ZC3H14: variants seen among roughly 807,000 people sequenced by gnomAD.
ZC3H14 encodes the protein zinc finger CCCH domain-containing protein 14.
A neutral mutation model predicts 92.4 loss-of-function variants in ZC3H14; 31 were observed. The ratio of observed to expected loss-of-function variants is 0.34; its 90% CI spans 0.25 to 0.45. The LOEUF is 0.45. ZC3H14 is among the 20% of genes least tolerant of loss of function. The pLI is 1.00. For missense variants in ZC3H14, 781 were observed against 897.3 expected (o/e 0.87, Z 1.66); for synonymous variants, 321 against 300.9 (o/e 1.07, Z -0.69).
chr14:88,572,470 G>A, intron 5 of ZC3H14, 108 bp from the exon 6 acceptor site: 1 of 1,374,718 alleles, frequency 7.3e-7, no homozygotes, highest in Non-Finnish European at 1.0e-6. Flanking sequence ...TATGTAAAGG[G>A]AGTATCCTCA....
At chr14:88,603,656 TC>T (rs2084937664) in intron 12 of ZC3H14, among the ~76,000 whole-genome samples, 1 of 152,204 alleles carries the variant, frequency 6.6e-6, no homozygotes, top group Non-Finnish European at 1.5e-5. Flanking sequence ...ACGCCACTGA[TC>T]ATTTCCATTC....
chr14:88,621,641 A>C lies in ZC3H14; in HGVS notation c.*9890A>C. 3.2e-6 allele frequency: 1 copy of C among 315,388 alleles called. No homozygotes were observed. Among genetic ancestry groups the C allele is most frequent in the Non-Finnish European group, 6.1e-6 (1 of 164,734 alleles). 19.5% of individuals were successfully genotyped at this position (315,388 alleles called of 1,614,324 possible). On this transcript the variant is annotated 3_prime_UTR_variant, in exon 17 of 17. Coordinates refer to ENST00000251038, the MANE Select transcript of ZC3H14 (RefSeq NM_024824.5). ...AGTGGGATATAGGAAAAAATAATAG[A>C]ATTTATTTTTTAGTTAAAAAGTAAA...
Position 88,615,932 on chromosome 14 carries a change from G to A in ZC3H14, c.*4181G>A, listed in dbSNP as rs2087539931. ...TAACAGTTTAATATTTTTCAGTTGT[G>A]CTTTCAGGTTACATGTGTAATATTT... On this transcript the variant is annotated 3_prime_UTR_variant, in exon 17 of 17. Coordinates refer to ENST00000251038, the MANE Select transcript of ZC3H14 (RefSeq NM_024824.5). 1.3e-6 allele frequency: 2 copies of A among 1,495,676 alleles called. No individual in the cohort carries two copies. The highest frequency in any genetic ancestry group is 4.7e-5 in the East Asian group (2 of 42,488). 92.7% of individuals were successfully genotyped at this position (1,495,676 alleles called of 1,614,324 possible).
Position 88,566,788 on chromosome 14 carries a change from C to A in ZC3H14, c.80-1251C>A, listed in dbSNP as rs201216634. Among the ~76,000 whole-genome samples, 73 of 152,046 alleles carry A rather than the reference C, an allele frequency of 4.8e-4. 2 individuals carry two copies. In the South Asian group the frequency reaches 5.0e-3, roughly 10 times the overall value. On this transcript the variant is annotated intron_variant, in intron 2 of 16. Coordinates refer to ENST00000251038, the MANE Select transcript of ZC3H14 (RefSeq NM_024824.5). ...TACAAACATTAGCTGGGTGTGGTGG[C>A]AGGTGCCTGTAATCCCAGCTACTCG...
In ZC3H14 at chr14:88,619,027, C is replaced by G; in HGVS notation, c.*7276C>G. The G allele has an allele frequency of 2.5e-6, 1 of 394,028 alleles. No homozygotes were observed. Among genetic ancestry groups the G allele is most frequent in the Non-Finnish European group, 4.4e-6 (1 of 229,318 alleles). The allele number at this position is 394,028 out of a possible 1,614,324, so 24.4% of individuals were successfully genotyped here. On this transcript the variant is annotated 3_prime_UTR_variant, in exon 17 of 17. Transcript: ENST00000251038. ...TTTACTTAAATTTTAAATATTTCCC[C>G]AATTGTCATCTCCCAATTCCTTTAA...
chr14:88,581,832 T>G (rs979986051), intron 9 of ZC3H14, among the ~76,000 whole-genome samples: 1 of 152,100 alleles, frequency 6.6e-6, no homozygotes, highest in Admixed American at 6.5e-5. Context: ...TAATGACATT[T>G]TAAAAAAATA....
Position 88,626,872 on chromosome 14 carries a change from C to T in ZC3H14, c.*15121C>T, listed in dbSNP as rs368772417. 1.3e-4 allele frequency: 210 copies of T among 1,613,756 alleles called. No homozygotes were observed. The highest frequency in any genetic ancestry group is 1.6e-4 in the Non-Finnish European group (187 of 1,179,852). ...TGCAATAGCGAGCATGGTCTGCATC[C>T]GGGCATCTTCCAGTGTGCTCAGTAG... is the stretch of plus-strand genomic sequence containing the variant. On this transcript the variant is annotated 3_prime_UTR_variant, in exon 17 of 17. Transcript: ENST00000251038.
intron 2 of ZC3H14, among the ~76,000 whole-genome samples, chr14:88,565,539 A>G (rs1049187897): frequency 2.6e-5 from 4 of 152,224 alleles, no homozygotes; most frequent in East Asian, 1.9e-4. Context: ...AATCTTTTCT[A>G]AATAACCAAT....
At chr14:88,567,963 A>T in intron 2 of ZC3H14, 76 bp from the exon 3 acceptor site, 2 of 1,177,142 alleles carry the variant, frequency 1.7e-6, no homozygotes, top group Non-Finnish European at 2.5e-6. Context: ...AGCTACATCT[A>T]TATTTTCAAG....
In ZC3H14 at chr14:88,621,223, T is replaced by C; in HGVS notation, c.*9472T>C. On this transcript the variant is annotated 3_prime_UTR_variant, in exon 17 of 17. Transcript: ENST00000251038. Reference sequence around the variant, plus strand: ...CAGATTGGCCCATCCACATGACCGTTAACTAAAATATTACAAGCTGCATTT... The same window carrying C: ...CAGATTGGCCCATCCACATGACCGTCAACTAAAATATTACAAGCTGCATTT... 6.2e-7 allele frequency: 1 copy of C among 1,613,954 alleles called. No homozygotes were observed. The highest frequency in any genetic ancestry group is 1.6e-4 in the Middle Eastern group (1 of 6,062).
At chr14:88,611,506 G>T (rs1164253340) in intron 16 of ZC3H14, among the ~76,000 whole-genome samples, 1 of 152,022 alleles carries the variant, frequency 6.6e-6, no homozygotes, top group Non-Finnish European at 1.5e-5. Flanking sequence ...ATTAGCAACT[G>T]GGAGATACTG....
At chr14:88,584,944 A>G (rs1192370621) in intron 9 of ZC3H14, among the ~76,000 whole-genome samples, 1 of 152,092 alleles carries the variant, frequency 6.6e-6, no homozygotes, top group Non-Finnish European at 1.5e-5. Flanking sequence ...CATAAGAACC[A>G]TGGTTAAAAA....
At chr14:88,604,741 T>G (rs778144885) in intron 12 of ZC3H14, among the ~76,000 whole-genome samples, 2 of 152,006 alleles carry the variant, frequency 1.3e-5, no homozygotes, top group Non-Finnish European at 2.9e-5. Flanking sequence ...ATTACAGGCA[T>G]GCACCATCAC....
At position 88,602,898 on chromosome 14, in the gene ZC3H14, C is replaced by G; in HGVS notation, c.1585C>G (p.Pro529Ala). 1 of 1,614,138 alleles carries G rather than the reference C, an allele frequency of 6.2e-7. No individual in the cohort carries two copies. Among genetic ancestry groups the G allele is most frequent in the Non-Finnish European group, 8.5e-7 (1 of 1,180,016 alleles). Residue 529 changes from proline (P) to alanine (A), a missense_variant, in exon 12 of 17, where the codon CCA becomes GCA. By Grantham distance (27) the Pro-to-Ala change is conservative (BLOSUM62 -1). This residue lies in a region of ZC3H14 where 221 missense variants were observed against 304.7 expected (regional missense o/e 0.73). Coordinates refer to ENST00000251038, the MANE Select transcript of ZC3H14 (RefSeq NM_024824.5). ...IVTLDGVPSP[P>A]GYMSDQEEDM... ...GACGCTGGATGGTGTCCCCAGCCCC[C>G]CAGGATACATGTCAGATCAAGAGGA... is the stretch of plus-strand genomic sequence containing the variant.
chr14:88,576,975 T>G (rs1400624963), intron 8 of ZC3H14, among the ~76,000 whole-genome samples: 1 of 152,022 alleles, frequency 6.6e-6, no homozygotes, highest in Admixed American at 6.6e-5. Flanking sequence ...GTATTTTTAG[T>G]AGAGGCGGGG....
intron 9 of ZC3H14, among the ~76,000 whole-genome samples, chr14:88,582,587 C>G (rs1283492837): frequency 6.6e-6 from 1 of 152,170 alleles, no homozygotes; most frequent in Non-Finnish European, 1.5e-5. Context: ...CACAGAGAGG[C>G]TTCTGGGGTG....
Position 88,609,310 on chromosome 14 carries a change from CA to C in ZC3H14, c.1913del (p.His638ProfsTer20), listed in dbSNP as rs766368683. Reference protein sequence around the residue: ...CKFAEKCLFVHPNCKYDAKCT... With the variant: ...CKFAEKCLFVXPNCKYDAKCT... The stretch of plus-strand genomic sequence containing the variant: ...ATTTGCTGAAAAATGTTTGTTTGTT[CA>C]CCCAAATTGTAAATATGATGCAAAG... On this transcript the variant is annotated frameshift_variant, in exon 14 of 17. Transcript: ENST00000251038. LOFTEE classifies it high-confidence loss of function. 6.2e-7 allele frequency: 1 copy of C among 1,613,698 alleles called. No individual in the cohort carries two copies. The highest frequency in any genetic ancestry group is 8.5e-7 in the Non-Finnish European group (1 of 1,179,932).
At chr14:88,607,964 T>TC (rs1361068629) in intron 13 of ZC3H14, 2 of 169,962 alleles carry the variant, frequency 1.2e-5, no homozygotes, top group African/African-American at 1.2e-4. Context: ...TTGAGTACCA[T>TC]CCCCCATCTC....
chr14:88,611,330 C>T (rs368906097), intron 16 of ZC3H14, among the ~76,000 whole-genome samples: 6 of 152,154 alleles, frequency 3.9e-5, no homozygotes, highest in African/African-American at 7.2e-5. Context: ...TGAGCTGAAG[C>T]GATATCCTTC....
Sources: gnomAD v4.1 joint callset for allele counts (sites outside exome capture counted in the v4.1 genomes callset) on GRCh38, gnomAD v4.1.1 for gene constraint, gnomAD v4.1.1 regional missense constraint, MANE v1.5 for transcripts, NCBI Gene and HGNC (gene_info 2026-07-23, HGNC 2026-07-21) for gene names.